The following NRG1 variants were observed in gnomAD, a reference collection of about 807,000 sequenced individuals.
NRG1 encodes the protein pro-neuregulin-1, membrane-bound isoform.
In NRG1, 18 loss-of-function variants were observed where a neutral mutation model predicts 63.8. That is an observed-to-expected ratio of 0.28 (90% CI 0.19 to 0.42). The LOEUF is 0.42. Ranked by LOEUF, NRG1 falls within the 10% of genes least tolerant of loss-of-function variation. NRG1 has a pLI of 1.00. For synonymous variants in NRG1, 302 were observed against 301.3 expected (o/e 1.00, Z -0.02); for missense variants, 762 against 814.7 (o/e 0.94, Z 0.79).
At chr8:32,694,890 C>G (rs1191557330) in intron 5 of NRG1, among the ~76,000 whole-genome samples, 1 of 152,194 alleles carries the variant, frequency 6.6e-6, no homozygotes, top group African/African-American at 2.4e-5. Flanking sequence ...AGCTAGGACT[C>G]TGGCTTTCAG....
At chr8:31,931,776 G>A (rs433490) in intron 1 of NRG1, among the ~76,000 whole-genome samples, 115,398 of 151,772 alleles carry the variant, frequency 0.76, 44,646 homozygotes, top group Middle Eastern at 0.84. Flanking sequence ...GACTCGGGCT[G>A]TTCTGATGGT....
At chr8:32,637,526 A>C (rs1423348732) in intron 5 of NRG1, among the ~76,000 whole-genome samples, 1 of 152,150 alleles carries the variant, frequency 6.6e-6, no homozygotes, top group African/African-American at 2.4e-5. Context: ...TTAAAAGAGG[A>C]TGTAACCTCG....
At chr8:32,045,034 G>T (rs1820787759) in intron 1 of NRG1, among the ~76,000 whole-genome samples, 1 of 151,296 alleles carries the variant, frequency 6.6e-6, no homozygotes. Flanking sequence ...CCAACAGGTG[G>T]TTCTTGAAAG....
intron 1 of NRG1, among the ~76,000 whole-genome samples, chr8:31,684,924 C>A (rs943209303): frequency 1.3e-5 from 2 of 151,736 alleles, no homozygotes; most frequent in African/African-American, 4.8e-5. Context: ...TAGAAATAGC[C>A]AAAATAGTAA....
chr8:32,103,793 G>A (rs569672529), intron 1 of NRG1, among the ~76,000 whole-genome samples: 2 of 152,240 alleles, frequency 1.3e-5, no homozygotes, highest in East Asian at 3.9e-4. Context: ...GATGCACCGA[G>A]GCTGCTGCAG....
At position 32,698,056 on chromosome 8, in the gene NRG1, A is replaced by G. The variant is rs1027627769; in HGVS notation, c.503-29893A>G. Among the ~76,000 whole-genome samples the G allele has an allele frequency of 3.9e-5, 6 of 152,066 alleles. No individual in the cohort carries two copies. In the East Asian group the frequency reaches 1.2e-3, roughly 29 times the overall value. On this transcript the variant is annotated intron_variant, in intron 5 of 11. Transcript: ENST00000356819. ...TCTCATCTCTACTAAAAATACAAAA[A>G]TTAGCTGAGCATGGTGGCACATGCC...
At chr8:32,422,709 C>T (rs62500177) in intron 1 of NRG1, among the ~76,000 whole-genome samples, 56,884 of 152,152 alleles carry the variant, frequency 0.37, 11,153 homozygotes, top group South Asian at 0.51. Context: ...ACCTTGCCAA[C>T]GTTGGGTATT....
chr8:32,095,035 C>T (rs1829715496), intron 1 of NRG1, among the ~76,000 whole-genome samples: 1 of 151,908 alleles, frequency 6.6e-6, no homozygotes, highest in African/African-American at 2.4e-5. Context: ...CCTTAGCCTC[C>T]CAAGTAGCTG....
intron 1 of NRG1, among the ~76,000 whole-genome samples, chr8:31,785,289 G>A (rs552149569): frequency 6.6e-5 from 10 of 152,212 alleles, no homozygotes; most frequent in African/African-American, 1.4e-4. Context: ...GGCAGTTGAA[G>A]CATTCACCAG....
At chr8:32,388,339 G>A (rs1263233166) in intron 1 of NRG1, among the ~76,000 whole-genome samples, 1 of 152,182 alleles carries the variant, frequency 6.6e-6, no homozygotes, top group African/African-American at 2.4e-5. Flanking sequence ...GTGTGCCAAA[G>A]CCAAGAGAGG....
intron 1 of NRG1, among the ~76,000 whole-genome samples, chr8:32,574,459 A>G (rs1404136453): frequency 1.3e-5 from 2 of 152,096 alleles, no homozygotes; most frequent in African/African-American, 4.8e-5. Context: ...TTGAATTGTA[A>G]TCTCCAATAT....
intron 1 of NRG1, among the ~76,000 whole-genome samples, chr8:32,354,139 T>A (rs1193917340): frequency 6.6e-6 from 1 of 151,970 alleles, no homozygotes; most frequent in Non-Finnish European, 1.5e-5. Flanking sequence ...GAGGCTGAGG[T>A]GGGCAGATCA....
Position 32,548,781 on chromosome 8 carries a change from G to C in NRG1, c.55G>C (p.Gly19Arg), listed in dbSNP as rs745817489. The C allele has an allele frequency of 9.4e-6, 15 of 1,589,452 alleles. No individual in the cohort carries two copies. In the South Asian group the frequency reaches 1.7e-4, roughly 18 times the overall value. ...AGGGAAGGGCAAGAAGAAGGAGCGAGGCTCCGGCAAGAAGCCGGAGTCCGC... is the reference window on the plus strand; with the variant it reads ...AGGGAAGGGCAAGAAGAAGGAGCGACGCTCCGGCAAGAAGCCGGAGTCCGC... Residue 19 changes from glycine (G) to arginine (R), a missense_variant, in exon 1 of 12, where the codon GGC (glycine) becomes CGC (arginine). Coordinates refer to ENST00000356819, the Ensembl canonical transcript of NRG1.
chr8:32,373,975 G>A (rs1236861316), intron 1 of NRG1, among the ~76,000 whole-genome samples: 1 of 152,144 alleles, frequency 6.6e-6, no homozygotes, highest in African/African-American at 2.4e-5. Context: ...TTGATATTAT[G>A]AGATTATGGG....
intron 1 of NRG1, among the ~76,000 whole-genome samples, chr8:31,655,882 G>T (rs1163431518): frequency 6.6e-6 from 1 of 152,226 alleles, no homozygotes; most frequent in Non-Finnish European, 1.5e-5. Context: ...GGGCGGTGGG[G>T]AGGATGGCCC....
At chr8:32,590,418 T>A (rs1303782193) in intron 1 of NRG1, among the ~76,000 whole-genome samples, 2 of 152,198 alleles carry the variant, frequency 1.3e-5, no homozygotes, top group African/African-American at 4.8e-5. Flanking sequence ...AAATCATGCT[T>A]AAGATTCTCG....
intron 5 of NRG1, among the ~76,000 whole-genome samples, chr8:32,707,621 A>T (rs1025855423): frequency 6.6e-6 from 1 of 152,100 alleles, no homozygotes; most frequent in African/African-American, 2.4e-5. Flanking sequence ...CCCATTAAAT[A>T]TGATATTAAT....
chr8:32,641,922 G>C (rs189891806), intron 5 of NRG1, among the ~76,000 whole-genome samples: 70 of 152,248 alleles, frequency 4.6e-4, no homozygotes, highest in African/African-American at 1.6e-3. Flanking sequence ...ACATGGATTT[G>C]GTTTGCTCTC....
intron 5 of NRG1, among the ~76,000 whole-genome samples, chr8:32,718,085 G>A (rs943120990): frequency 4.6e-5 from 7 of 152,122 alleles, no homozygotes; most frequent in African/African-American, 7.2e-5. Flanking sequence ...CAACAGACAC[G>A]TAGTCTAGTG....
Sources: gnomAD v4.1 joint callset for allele counts (sites outside exome capture counted in the v4.1 genomes callset) on GRCh38, gnomAD v4.1.1 for gene constraint, MANE v1.5 for transcripts, NCBI Gene and HGNC (gene_info 2026-07-23, HGNC 2026-07-21) for gene names.